Variants in ZNF33B observed in about 807,000 individuals in gnomAD.
The protein encoded by ZNF33B is zinc finger protein 11b (KOX 2).
ZNF33B carries 29 observed loss-of-function variants against 45.8 expected under a neutral mutation model. The ratio of observed to expected loss-of-function variants is 0.63; its 90% CI spans 0.47 to 0.86. The LOEUF is 0.86. Ranked by LOEUF, ZNF33B falls within the 40% of genes least tolerant of loss-of-function variation. ZNF33B has a pLI of 0.00. For missense variants in ZNF33B, 831 were observed against 909.9 expected, an observed-to-expected ratio of 0.91 and a Z score of 1.12; for synonymous variants, 305 against 307.8, an observed-to-expected ratio of 0.99 and a Z score of 0.10.
chr10:42,627,286 G>C (rs181270243), intron 4 of ZNF33B, among the ~76,000 whole-genome samples: 1 of 152,236 alleles, frequency 6.6e-6, no homozygotes, highest in Non-Finnish European at 1.5e-5. Flanking sequence ...TAACAGGCAT[G>C]AGCCACCACA....
chr10:42,575,024 C>T (rs1479049853), intron 1 of ZNF33B, among the ~76,000 whole-genome samples: 1 of 152,116 alleles, frequency 6.6e-6, no homozygotes, highest in Non-Finnish European at 1.5e-5. Context: ...ACATGTCTCC[C>T]ATAATGTACA....
At chr10:42,638,350 G>A (rs985869323) in intron 1 of ZNF33B, 124 bp downstream of exon 1, 5 of 313,142 alleles carry the variant, frequency 1.6e-5, no homozygotes, top group Admixed American at 8.3e-5. Flanking sequence ...CAGCCCCGCC[G>A]TCCCCGGCTT....
intron 4 of ZNF33B, among the ~76,000 whole-genome samples, chr10:42,601,190 C>G (rs1204813377): frequency 1.3e-5 from 2 of 152,228 alleles, no homozygotes; most frequent in East Asian, 3.9e-4. Context: ...AAAACATGTC[C>G]TTTATCTCTG....
intron 4 of ZNF33B, among the ~76,000 whole-genome samples, chr10:42,612,839 AT>A (rs1374547187): frequency 6.8e-6 from 1 of 147,070 alleles, no homozygotes; most frequent in African/African-American, 2.7e-5. Flanking sequence ...CTGATAATTT[AT>A]TTTCTTTCTT....
At chr10:42,602,789 T>C (rs1466992507) in intron 4 of ZNF33B, among the ~76,000 whole-genome samples, 2 of 152,206 alleles carry the variant, frequency 1.3e-5, no homozygotes, top group African/African-American at 2.4e-5. Context: ...CCAGGCCCTA[T>C]GTGAGTACTG....
chr10:42,637,076 C>T (rs1839339710), intron 1 of ZNF33B, 104 bp from the exon 2 acceptor site: 2 of 1,104,288 alleles, frequency 1.8e-6, no homozygotes, highest in Non-Finnish European at 2.7e-6. Flanking sequence ...AGGTAAAATG[C>T]TCCGTCTGGG....
rs1837166446 is a variant in ZNF33B, at chr10:42,592,400, C to T, written c.*213G>A. On this transcript the variant is annotated 3_prime_UTR_variant, in exon 5 of 5. Transcript: ENST00000359467. ...GAGGTTTTATGCCAGTATTAACCAT[C>T]TGATATTCAACAGAATATCACTTCC... 2 of 733,542 alleles carry T rather than the reference C, an allele frequency of 2.7e-6. No individual in the cohort carries two copies. The highest frequency in any genetic ancestry group is 4.1e-6 in the Non-Finnish European group (2 of 489,882). The allele number at this position is 733,542 out of a possible 1,614,324, so 45.4% of individuals were successfully genotyped here. A position where few individuals can be genotyped will look rare whatever the true frequency, so the allele number is the denominator to read the frequency against.
chr10:42,615,698 C>A (rs1249055950), intron 4 of ZNF33B, among the ~76,000 whole-genome samples: 1 of 152,022 alleles, frequency 6.6e-6, no homozygotes, highest in Non-Finnish European at 1.5e-5. Flanking sequence ...CCTATGCAGG[C>A]AGATCACTTG....
intron 4 of ZNF33B, among the ~76,000 whole-genome samples, chr10:42,601,468 G>GTTTTTTTTT (rs57196690): frequency 3.8e-5 from 3 of 79,444 alleles, no homozygotes; most frequent in African/African-American, 9.9e-5. Context: ...ACATGGGCTT[G>GTTTTTTTTT]TTTTTTTTTT....
intron 4 of ZNF33B, among the ~76,000 whole-genome samples, chr10:42,621,757 TGATGAAAGA>T (rs1368370732): frequency 6.6e-6 from 1 of 152,182 alleles, no homozygotes; most frequent in Non-Finnish European, 1.5e-5. Flanking sequence ...TCATATTCAC[TGATGAAAGA>T]AAGCTTTCCT....
chr10:42,575,831 G>C (rs1314929644), intron 1 of ZNF33B, among the ~76,000 whole-genome samples: 1 of 150,950 alleles, frequency 6.6e-6, no homozygotes, highest in Non-Finnish European at 1.5e-5. Context: ...CAGGGCTCAA[G>C]CGATTCTCGT....
chr10:42,592,362 C>CA lies in ZNF33B; in HGVS notation c.*250dup, dbSNP rs1564494295. ...GTTTTGCCAAAAACTTTCACAAATT[C>CA]AAAAAAATCTGTGAGGTTTTATGCC... On this transcript the variant is annotated 3_prime_UTR_variant, in exon 5 of 5. Coordinates refer to ENST00000359467, the MANE Select transcript of ZNF33B (RefSeq NM_006955.3). 3.2e-6 allele frequency: 2 copies of CA among 628,848 alleles called. No homozygotes were observed. The highest frequency in any genetic ancestry group is 2.3e-6 in the Non-Finnish European group (1 of 429,146). The allele number at this position is 628,848 out of a possible 1,614,324, so 39.0% of individuals were successfully genotyped here.
At chr10:42,587,271 C>G (rs1265903553), downstream of ZNF33B, among the ~76,000 whole-genome samples, 6 of 152,140 alleles carry the variant, frequency 3.9e-5, no homozygotes, top group Non-Finnish European at 1.5e-5. Flanking sequence ...GCCAACTTGG[C>G]TCACTGCAAC....
intron 1 of ZNF33B, among the ~76,000 whole-genome samples, chr10:42,575,711 A>AAT (rs141485546): frequency 0.096 from 13,786 of 143,432 alleles, 1,699 homozygotes; most frequent in African/African-American, 0.28. Context: ...ACTGCATAAT[A>AAT]ATATATATAT....
chr10:42,576,329 T>A (rs1158487870), intron 1 of ZNF33B, among the ~76,000 whole-genome samples: 19 of 152,212 alleles, frequency 1.2e-4, no homozygotes, highest in Admixed American at 6.5e-5. Flanking sequence ...CATATTGATT[T>A]TTAGCTAATT....
downstream of ZNF33B, chr10:42,589,083 G>T: frequency 2.6e-6 from 1 of 377,962 alleles, no homozygotes; most frequent in Non-Finnish European, 3.6e-6. Flanking sequence ...GAACACCTTA[G>T]TACAGAAACA....
At chr10:42,577,806 T>A (rs928831868) in intron 1 of ZNF33B, among the ~76,000 whole-genome samples, 3 of 152,192 alleles carry the variant, frequency 2.0e-5, no homozygotes, top group Admixed American at 2.0e-4. Flanking sequence ...CTGCAATTTG[T>A]ATATGAGATA....
downstream of ZNF33B, among the ~76,000 whole-genome samples, chr10:42,586,092 G>A (rs1467693280): frequency 1.3e-5 from 2 of 151,452 alleles, no homozygotes; most frequent in Non-Finnish European, 2.9e-5. Flanking sequence ...TCTAGGGTGT[G>A]CATACTCCAA....
At chr10:42,584,736 G>T (rs186858606), downstream of ZNF33B, among the ~76,000 whole-genome samples, 1 of 152,254 alleles carries the variant, frequency 6.6e-6, no homozygotes, top group Non-Finnish European at 1.5e-5. Context: ...GGCCAAGCTG[G>T]TCTCAAACTC....
Sources: gnomAD v4.1 joint callset for allele counts (sites outside exome capture counted in the v4.1 genomes callset) on GRCh38, gnomAD v4.1.1 for gene constraint, MANE v1.5 for transcripts, NCBI Gene and HGNC (gene_info 2026-07-23, HGNC 2026-07-21) for gene names.